Variants in NKAIN3 observed in about 807,000 individuals in gnomAD.
NKAIN3 encodes sodium/potassium-transporting ATPase subunit beta-1-interacting protein 3.
NKAIN3 carries 25 observed loss-of-function variants against 30.2 expected under a neutral mutation model. The observed-to-expected ratio is 0.83, with a 90% CI of 0.60 to 1.16. The LOEUF is 1.16. NKAIN3 is among the 50% of genes most tolerant of loss of function. The probability of loss-of-function intolerance (pLI) is 0.00; values close to 1 mark genes in which losing one functional copy is unlikely to be tolerated. For missense variants in NKAIN3, 225 were observed against 254.1 expected, an observed-to-expected ratio of 0.89 and a Z score of 0.78; for synonymous variants, 91 against 89.6, an observed-to-expected ratio of 1.02 and a Z score of -0.09.
At chr8:62,852,939 AG>A (rs1192387985) in intron 4 of NKAIN3, among the ~76,000 whole-genome samples, 1 of 151,960 alleles carries the variant, frequency 6.6e-6, no homozygotes, top group Admixed American at 6.6e-5. Flanking sequence ...TGTTGATTTG[AG>A]GTGGAGAGTT....
At chr8:62,889,194 C>A (rs1323598141) in intron 4 of NKAIN3, among the ~76,000 whole-genome samples, 1 of 151,870 alleles carries the variant, frequency 6.6e-6, no homozygotes, top group Non-Finnish European at 1.5e-5. Context: ...CATGGTGAAA[C>A]CCTGTCTCTA....
intron 4 of NKAIN3, among the ~76,000 whole-genome samples, chr8:62,830,588 G>A (rs949157400): frequency 6.6e-6 from 1 of 152,008 alleles, no homozygotes; most frequent in African/African-American, 2.4e-5. Context: ...TTATATTTCT[G>A]AAAACCTGTC....
chr8:62,889,771 C>T (rs1821249323), intron 4 of NKAIN3, among the ~76,000 whole-genome samples: 1 of 152,064 alleles, frequency 6.6e-6, no homozygotes, highest in Admixed American at 6.5e-5. Flanking sequence ...TAGGATAGAC[C>T]TTGAGCAACG....
intron 3 of NKAIN3, among the ~76,000 whole-genome samples, chr8:62,691,168 C>G (rs1333587071): frequency 6.6e-6 from 1 of 152,180 alleles, no homozygotes; most frequent in Non-Finnish European, 1.5e-5. Flanking sequence ...TAAGTAGCAG[C>G]TGGCCTTCTT....
intron 1 of NKAIN3, among the ~76,000 whole-genome samples, chr8:62,574,123 G>T (rs897247046): frequency 6.6e-6 from 1 of 152,148 alleles, no homozygotes; most frequent in Admixed American, 6.6e-5. Context: ...GTGAGAACAT[G>T]TGAAGTTTGT....
rs1232234039 is a variant in NKAIN3 at position 62,970,410 on chromosome 8, G to C, written c.*5003G>C. On this transcript the variant is annotated 3_prime_UTR_variant, in exon 7 of 7. Coordinates refer to ENST00000623646, the MANE Select transcript of NKAIN3 (RefSeq NM_001304533.3). ...ATGCCACTTCTTGAAGGTGGATACA[G>C]CTTCTTAAATATTGGTATTTGTAGA... Among the ~76,000 whole-genome samples the C allele has an allele frequency of 2.0e-5, 3 of 152,138 alleles. No individual in the cohort carries two copies. The highest frequency in any genetic ancestry group is 4.4e-5 in the Non-Finnish European group (3 of 68,022).
chr8:62,687,261 G>A (rs1217855356), intron 3 of NKAIN3, among the ~76,000 whole-genome samples: 2 of 152,204 alleles, frequency 1.3e-5, no homozygotes, highest in African/African-American at 4.8e-5. Flanking sequence ...ACACAGGAAT[G>A]TGAAGAGTTA....
intron 4 of NKAIN3, among the ~76,000 whole-genome samples, chr8:62,895,100 A>G (rs1375632256): frequency 6.6e-6 from 1 of 152,244 alleles, no homozygotes; most frequent in Non-Finnish European, 1.5e-5. Flanking sequence ...TTGGTAAAGA[A>G]TAAAGGAAGA....
intron 3 of NKAIN3, among the ~76,000 whole-genome samples, chr8:62,685,897 T>C (rs1290713940): frequency 6.6e-6 from 1 of 152,208 alleles, no homozygotes; most frequent in Non-Finnish European, 1.5e-5. Flanking sequence ...TCCTGTTTTC[T>C]CTCTCCAAAG....
At chr8:62,926,136 C>T (rs914746460) in intron 5 of NKAIN3, among the ~76,000 whole-genome samples, 2 of 152,132 alleles carry the variant, frequency 1.3e-5, no homozygotes, top group African/African-American at 2.4e-5. Flanking sequence ...ATTTAAAAAT[C>T]ACACCCTCGT....
rs66521184 is a variant in NKAIN3 at position 62,374,113 on chromosome 8, CAAAAAAAAAAAA to C, written c.54+124999_54+125010del. On this transcript the variant is annotated intron_variant, in intron 1 of 6. Transcript: ENST00000623646. ...GGGTGACAGAGCGAGACTCCATCTCCAAAAAAAAAAAAAAAAAAAAAAAAGAGAAGACAGAAG... is the reference window on the plus strand; with the variant it reads ...GGGTGACAGAGCGAGACTCCATCTCCAAAAAAAAAAAAGAGAAGACAGAAG... 9.3e-5 allele frequency among the ~76,000 whole-genome samples: 6 copies of C among 64,348 alleles called. No individual in the cohort carries two copies. The East Asian group carries it at 1.5e-3, about 16-fold the overall frequency. 42.2% of individuals were successfully genotyped at this position (64,348 alleles called of 152,430 possible).
At chr8:62,298,451 A>G (rs1813919516) in intron 1 of NKAIN3, among the ~76,000 whole-genome samples, 1 of 152,104 alleles carries the variant, frequency 6.6e-6, no homozygotes, top group South Asian at 2.1e-4. Context: ...AACCCTACCA[A>G]CTACTTCCCA....
chr8:62,289,164 G>T (rs1032493504), intron 1 of NKAIN3, among the ~76,000 whole-genome samples: 2 of 151,940 alleles, frequency 1.3e-5, no homozygotes, highest in African/African-American at 4.8e-5. Context: ...ATGAGTAGAT[G>T]GCAAAAATTT....
intron 1 of NKAIN3, among the ~76,000 whole-genome samples, chr8:62,439,327 A>G (rs1005121540): frequency 1.3e-5 from 2 of 152,190 alleles, no homozygotes; most frequent in Non-Finnish European, 2.9e-5. Flanking sequence ...GAGGTGCCAC[A>G]TTTGAAGAGA....
chr8:62,604,888 A>C (rs2130162260), intron 3 of NKAIN3, among the ~76,000 whole-genome samples: 1 of 152,234 alleles, frequency 6.6e-6, no homozygotes, highest in African/African-American at 2.4e-5. Context: ...ATGATGGCAG[A>C]AGTTTCTGGT....
chr8:62,249,767 C>G (rs1812032225), intron 1 of NKAIN3, among the ~76,000 whole-genome samples: 1 of 151,992 alleles, frequency 6.6e-6, no homozygotes, highest in African/African-American at 2.4e-5. Flanking sequence ...GACAGACTGA[C>G]AGCTGTCATC....
intron 5 of NKAIN3, among the ~76,000 whole-genome samples, chr8:62,920,895 A>G (rs1822256519): frequency 6.6e-6 from 1 of 152,200 alleles, no homozygotes; most frequent in East Asian, 1.9e-4. Flanking sequence ...GCAGTCACAA[A>G]TATTTGATAG....
chr8:62,375,630 C>T (rs929834994), intron 1 of NKAIN3, among the ~76,000 whole-genome samples: 5 of 152,098 alleles, frequency 3.3e-5, no homozygotes, highest in Non-Finnish European at 1.5e-5. Flanking sequence ...AATTACCAAT[C>T]GGAGAGACAG....
At chr8:62,606,343 T>C (rs1811130806) in intron 3 of NKAIN3, among the ~76,000 whole-genome samples, 1 of 152,088 alleles carries the variant, frequency 6.6e-6, no homozygotes, top group Non-Finnish European at 1.5e-5. Context: ...AGTGTTCCTT[T>C]TGAGGTTATC....
Sources: allele counts gnomAD v4.1 joint callset (sites outside exome capture counted in the v4.1 genomes callset), GRCh38; gene constraint gnomAD v4.1.1; transcripts MANE v1.5; gene names NCBI Gene and HGNC (gene_info 2026-07-23, HGNC 2026-07-21).